Variants in HIBADH observed in about 807,000 individuals in gnomAD.
HIBADH encodes the protein 3-hydroxyisobutyrate dehydrogenase.
Under a neutral mutation model 36.1 loss-of-function variants are expected in HIBADH, and 25 were observed. The ratio of observed to expected loss-of-function variants is 0.69; its 90% CI spans 0.50 to 0.97. HIBADH has a LOEUF of 0.97. Ranked by LOEUF, HIBADH falls within the 50% of genes least tolerant of loss-of-function variation. The probability of loss-of-function intolerance (pLI) is 0.00; values close to 1 mark genes in which losing one functional copy is unlikely to be tolerated. For missense variants in HIBADH, 421 were observed against 418.0 expected (o/e 1.01, Z -0.06); for synonymous variants, 160 against 149.5 (o/e 1.07, Z -0.51).
At chr7:27,643,022 C>G (rs1021851941) in intron 2 of HIBADH, among the ~76,000 whole-genome samples, 2 of 152,162 alleles carry the variant, frequency 1.3e-5, no homozygotes, top group African/African-American at 4.8e-5. Context: ...TTACTAAAAA[C>G]TAATGTGACC....
At chr7:27,624,773 A>G (rs1038122218) in intron 4 of HIBADH, among the ~76,000 whole-genome samples, 1 of 152,320 alleles carries the variant, frequency 6.6e-6, no homozygotes, top group South Asian at 2.1e-4. Flanking sequence ...AAGTTATCTA[A>G]TATCTCTTGG....
rs141837600 is a variant in HIBADH at position 27,527,871 on chromosome 7, C to G, written c.853-1499G>C. The stretch of plus-strand genomic sequence containing the variant: ...GTTCAAGTGATTCTCCTCCCGCAGC[C>G]TCCTGAGCAGCTGGGATTACAGGCA... On this transcript the variant is annotated intron_variant, in intron 7 of 7. Transcript: ENST00000265395. 3.6e-3 allele frequency among the ~76,000 whole-genome samples: 534 copies of G among 146,524 alleles called. 7 individuals carry two copies. The highest frequency in any genetic ancestry group is 0.013 in the African/African-American group (525 of 38,890).
intron 4 of HIBADH, among the ~76,000 whole-genome samples, chr7:27,619,786 G>T (rs1191195552): frequency 6.6e-6 from 1 of 152,010 alleles, no homozygotes; most frequent in Non-Finnish European, 1.5e-5. Context: ...GAATTAAAAA[G>T]AATGAGTAAA....
intron 6 of HIBADH, among the ~76,000 whole-genome samples, chr7:27,533,332 CACATTACTAT>C (rs1176319917): frequency 2.0e-5 from 3 of 152,072 alleles, no homozygotes; most frequent in African/African-American, 7.2e-5. Context: ...TTCTGGTGAA[CACATTACTAT>C]TTAGAAGCAT....
rs142070615 is a variant in HIBADH, at chr7:27,526,997, G to A, written c.853-625C>T. On this transcript the variant is annotated intron_variant, in intron 7 of 7. Transcript: ENST00000265395. ...ACAGTGAAGCACAGACCTGGAGCCAGGTGAAAACATGGGGGTGGCAGGGAG... is the reference window on the plus strand; with the variant it reads ...ACAGTGAAGCACAGACCTGGAGCCAAGTGAAAACATGGGGGTGGCAGGGAG... Among the ~76,000 whole-genome samples, 366 of 152,260 alleles carry A rather than the reference G, an allele frequency of 2.4e-3. 3 individuals are homozygous for A. The highest frequency in any genetic ancestry group is 4.6e-3 in the Non-Finnish European group (316 of 68,020).
chr7:27,661,470 C>T (rs1786416240), intron 1 of HIBADH, among the ~76,000 whole-genome samples: 1 of 151,506 alleles, frequency 6.6e-6, no homozygotes, highest in African/African-American at 2.4e-5. Context: ...TGCCTGTAAT[C>T]CCAGCTACTC....
chr7:27,621,444 T>G (rs1204101446), intron 4 of HIBADH, among the ~76,000 whole-genome samples: 1 of 152,188 alleles, frequency 6.6e-6, no homozygotes, highest in East Asian at 1.9e-4. Flanking sequence ...ATATGGAACA[T>G]TCTCCAGAAT....
At chr7:27,598,818 T>C (rs1295606348) in intron 4 of HIBADH, among the ~76,000 whole-genome samples, 1 of 151,856 alleles carries the variant, frequency 6.6e-6, no homozygotes, top group Non-Finnish European at 1.5e-5. Context: ...TTCCTCACCA[T>C]AAAAACTACC....
intron 4 of HIBADH, among the ~76,000 whole-genome samples, chr7:27,613,090 A>C (rs1470087209): frequency 5.6e-5 from 7 of 125,540 alleles, no homozygotes; most frequent in Non-Finnish European, 9.6e-5. Flanking sequence ...AAAATTATAT[A>C]AATTATAATT....
At chr7:27,599,099 G>A (rs545591851) in intron 4 of HIBADH, among the ~76,000 whole-genome samples, 1 of 151,988 alleles carries the variant, frequency 6.6e-6, no homozygotes, top group Non-Finnish European at 1.5e-5. Flanking sequence ...ATTTTAGTTC[G>A]TTACGGAAAG....
At chr7:27,586,937 AGGGT>A (rs950244026) in intron 4 of HIBADH, among the ~76,000 whole-genome samples, 10 of 152,238 alleles carry the variant, frequency 6.6e-5, no homozygotes, top group African/African-American at 2.2e-4. Context: ...TGCAGTCGCC[AGGGT>A]CCAGCTGCCA....
At chr7:27,559,615 T>C (rs1401538764) in intron 4 of HIBADH, among the ~76,000 whole-genome samples, 1 of 152,082 alleles carries the variant, frequency 6.6e-6, no homozygotes, top group East Asian at 1.9e-4. Flanking sequence ...CCAGCCTAGG[T>C]GACAGAGCAA....
intron 4 of HIBADH, among the ~76,000 whole-genome samples, chr7:27,608,615 C>T (rs912219878): frequency 1.3e-5 from 2 of 152,180 alleles, no homozygotes; most frequent in African/African-American, 4.8e-5. Context: ...ACTGCCAATG[C>T]TATCCAGGGA....
At chr7:27,641,669 T>C (rs142885853) in intron 2 of HIBADH, among the ~76,000 whole-genome samples, 2 of 152,306 alleles carry the variant, frequency 1.3e-5, no homozygotes, top group East Asian at 3.9e-4. Flanking sequence ...TCATCCAAAT[T>C]AATATTACCT....
rs762685685 is a variant in HIBADH, at chr7:27,645,368, ATTTTT to A, written c.252+4100_252+4104del. Among the ~76,000 whole-genome samples, 97 of 59,650 alleles carry A rather than the reference ATTTTT, an allele frequency of 1.6e-3. 11 individuals are homozygous for A. Among genetic ancestry groups the A allele is most frequent in the African/African-American group, 5.5e-3 (88 of 15,872 alleles). 39.1% of individuals were successfully genotyped at this position (59,650 alleles called of 152,430 possible). A position where few individuals can be genotyped will look rare whatever the true frequency, so the allele number is the denominator to read the frequency against. Reference sequence around the variant, plus strand: ...CTAGTGGGTGTGTCTCATGGTTTTGATTTTTTTTTTTTTTTTTTTTTTTTTTTGAG... The same window carrying A: ...CTAGTGGGTGTGTCTCATGGTTTTGATTTTTTTTTTTTTTTTTTTTTTGAG... On this transcript the variant is annotated intron_variant, in intron 2 of 7. Coordinates refer to ENST00000265395, the MANE Select transcript of HIBADH (RefSeq NM_152740.4).
At chr7:27,641,624 T>C (rs1395154945) in intron 2 of HIBADH, among the ~76,000 whole-genome samples, 1 of 152,192 alleles carries the variant, frequency 6.6e-6, no homozygotes, top group Non-Finnish European at 1.5e-5. Context: ...AGCTATGAAA[T>C]AAGAATGTTG....
At chr7:27,541,303 C>A (rs576049778) in intron 5 of HIBADH, among the ~76,000 whole-genome samples, 1 of 152,194 alleles carries the variant, frequency 6.6e-6, no homozygotes, top group East Asian at 1.9e-4. Flanking sequence ...TTTAAGCAAA[C>A]CTCTTCCTAA....
chr7:27,631,045 T>C (rs565194361), intron 3 of HIBADH, among the ~76,000 whole-genome samples: 1 of 152,214 alleles, frequency 6.6e-6, no homozygotes, highest in African/African-American at 2.4e-5. Flanking sequence ...AAGAAGCAAA[T>C]TATAGTTCAA....
chr7:27,549,418 C>G (rs1046458466), intron 4 of HIBADH, among the ~76,000 whole-genome samples: 1 of 151,928 alleles, frequency 6.6e-6, no homozygotes, highest in Non-Finnish European at 1.5e-5. Context: ...ATCGAATTTT[C>G]AAAGGAAAAC....
Sources: allele counts gnomAD v4.1 joint callset (sites outside exome capture counted in the v4.1 genomes callset), GRCh38; gene constraint gnomAD v4.1.1; transcripts MANE v1.5; gene names NCBI Gene and HGNC (gene_info 2026-07-23, HGNC 2026-07-21).